FRRS1L: variants seen among roughly 807,000 people sequenced by gnomAD.
The protein encoded by FRRS1L is DOMON domain-containing protein FRRS1L.
In FRRS1L, 22 loss-of-function variants were observed where a neutral mutation model predicts 28.6. The ratio of observed to expected loss-of-function variants is 0.77; its 90% CI spans 0.55 to 1.10. FRRS1L has a LOEUF of 1.10. Among genes scored for constraint, FRRS1L ranks in the 50% least tolerant of loss-of-function variants. The pLI, the probability that FRRS1L is intolerant of heterozygous loss-of-function variation, is 0.00. For synonymous variants in FRRS1L, 158 were observed against 151.4 expected (o/e 1.04, Z -0.32); for missense variants, 380 against 386.9 (o/e 0.98, Z 0.15).
chr9:109,159,462 C>T (rs560079349), intron 1 of FRRS1L, among the ~76,000 whole-genome samples: 1 of 152,170 alleles, frequency 6.6e-6, no homozygotes, highest in South Asian at 2.1e-4. Flanking sequence ...GTCAGGGGTT[C>T]GAGACCAGCC....
At chr9:109,144,835 C>T (rs9775920) in intron 3 of FRRS1L, among the ~76,000 whole-genome samples, 20,770 of 151,916 alleles carry the variant, frequency 0.14, 1,608 homozygotes, top group Non-Finnish European at 0.16. Flanking sequence ...AGGCGCCCGC[C>T]ACCACACCCA....
chr9:109,140,149 C>T (rs1208467785), intron 4 of FRRS1L: 1 of 152,184 alleles, frequency 6.6e-6, no homozygotes, highest in Middle Eastern at 3.1e-3. Context: ...GACCAGGGAG[C>T]TTATTAGAAA....
chr9:109,143,230 G>T (rs189936872), intron 3 of FRRS1L, among the ~76,000 whole-genome samples: 4 of 151,902 alleles, frequency 2.6e-5, no homozygotes, highest in Non-Finnish European at 5.9e-5. Flanking sequence ...CAGGAGAGTC[G>T]CTTGAACCTG....
chr9:109,152,504 T>C (rs1210023782), intron 1 of FRRS1L, among the ~76,000 whole-genome samples: 2 of 151,762 alleles, frequency 1.3e-5, no homozygotes, highest in Non-Finnish European at 2.9e-5. Flanking sequence ...CGATTGTCTC[T>C]TTAAGAACAA....
intron 1 of FRRS1L, among the ~76,000 whole-genome samples, chr9:109,160,339 T>C (rs1278704730): frequency 6.6e-6 from 1 of 152,176 alleles, no homozygotes; most frequent in Non-Finnish European, 1.5e-5. Context: ...CTCACAATCC[T>C]GAAACCTCAG....
intron 4 of FRRS1L, chr9:109,139,533 G>A (rs1373403438): frequency 6.6e-6 from 1 of 152,184 alleles, no homozygotes; most frequent in Non-Finnish European, 1.5e-5. Context: ...ATAAGGAAAT[G>A]AAATTCAGAA....
At chr9:109,153,086 C>A (rs1831355942) in intron 1 of FRRS1L, among the ~76,000 whole-genome samples, 1 of 152,178 alleles carries the variant, frequency 6.6e-6, no homozygotes, top group African/African-American at 2.4e-5. Context: ...AAGAATTTGG[C>A]CTTTGTCCCT....
intron 1 of FRRS1L, 90 bp from the exon 2 acceptor site, chr9:109,149,810 C>A: frequency 2.3e-6 from 2 of 858,994 alleles, no homozygotes; most frequent in Non-Finnish European, 1.9e-6. Context: ...TTTTTTCTCA[C>A]ACATATCGAG....
At position 109,137,434 on chromosome 9, in the gene FRRS1L, C is replaced by G; in HGVS notation, c.*21G>C. 6.8e-7 allele frequency: 1 copy of G among 1,476,752 alleles called. No homozygotes were observed. The highest frequency in any genetic ancestry group is 9.1e-7 in the Non-Finnish European group (1 of 1,095,936). The allele number at this position is 1,476,752 out of a possible 1,614,324, so 91.5% of individuals were successfully genotyped here. The stretch of plus-strand genomic sequence containing the variant: ...CTAAAGACTTCCCAATCCATGTAAT[C>G]TGTTGGCCCTGCAGCTGTGGTTAGG... On this transcript the variant is annotated 3_prime_UTR_variant, in exon 5 of 5. Coordinates refer to ENST00000561981, the MANE Select transcript of FRRS1L (RefSeq NM_014334.4).
At chr9:109,165,805 T>C (rs950889082) in intron 1 of FRRS1L, among the ~76,000 whole-genome samples, 1 of 152,206 alleles carries the variant, frequency 6.6e-6, no homozygotes, top group Non-Finnish European at 1.5e-5. Flanking sequence ...TCCTGCTTCA[T>C]TTTTCCCACT....
At position 109,146,145 on chromosome 9, in the gene FRRS1L, C is replaced by A. The variant is rs573080773; in HGVS notation, c.462+906G>T. ...CTGGGAGGTGCAGGCTGCAATGAGC[C>A]AAGGTCACACCATTGCACTCCAGCC... On this transcript the variant is annotated intron_variant, in intron 3 of 4. Coordinates refer to ENST00000561981, the MANE Select transcript of FRRS1L (RefSeq NM_014334.4). Among the ~76,000 whole-genome samples the A allele has an allele frequency of 9.7e-4, 147 of 152,178 alleles. 8 individuals are homozygous for A. Among genetic ancestry groups the A allele is most frequent in the Non-Finnish European group, 3.5e-4 (24 of 67,992 alleles).
rs1448399449 is a variant in FRRS1L, at chr9:109,153,274, T to A, written c.239-3554A>T. Among the ~76,000 whole-genome samples, 5 of 152,330 alleles carry A rather than the reference T, an allele frequency of 3.3e-5. No homozygotes were observed. The South Asian group carries it at 8.3e-4, about 25-fold the overall frequency. The stretch of plus-strand genomic sequence containing the variant: ...GAAGGTTGGGGCTTTGTGCTAGACC[T>A]ACCTATAGGGAGGGTTGTGGGGCTG... On this transcript the variant is annotated intron_variant, in intron 1 of 4. Transcript: ENST00000561981.
Position 109,134,723 on chromosome 9 carries a change from G to T in FRRS1L, c.*2732C>A, listed in dbSNP as rs1831093255. On this transcript the variant is annotated 3_prime_UTR_variant, in exon 5 of 5. Transcript: ENST00000561981. ...TTAGAAATGTAAGCGGAAGGAAGCT[G>T]CATTCACTTCTTCCTTCCCTGCCTG... 6.6e-6 allele frequency: 1 copy of T among 152,194 alleles called. No homozygotes were observed. Among genetic ancestry groups the T allele is most frequent in the African/African-American group, 2.4e-5 (1 of 41,440 alleles). The allele number at this position is 152,194 out of a possible 1,614,324, so 9.4% of individuals were successfully genotyped here.
At chr9:109,154,483 T>C (rs1282713951) in intron 1 of FRRS1L, among the ~76,000 whole-genome samples, 1 of 152,204 alleles carries the variant, frequency 6.6e-6, no homozygotes, top group Non-Finnish European at 1.5e-5. Context: ...TTAGTACTTA[T>C]CCGAAGGCTA....
At chr9:109,149,502 A>T (rs1469665934) in intron 2 of FRRS1L, 134 bp downstream of exon 2, 2 of 608,480 alleles carry the variant, frequency 3.3e-6, no homozygotes, top group Non-Finnish European at 5.8e-6. Context: ...GCCGTTACGA[A>T]ACTTCATAAC....
rs1831093850 is a variant in FRRS1L, at chr9:109,134,806, C to T, written c.*2649G>A. The T allele has an allele frequency of 1.3e-5, 2 of 152,118 alleles. No individual in the cohort carries two copies. Among genetic ancestry groups the T allele is most frequent in the Non-Finnish European group, 2.9e-5 (2 of 68,042 alleles). The allele number at this position is 152,118 out of a possible 1,614,324, so 9.4% of individuals were successfully genotyped here. ...CTGTTTGTAGCTCAAATATTATACA[C>T]ATAAGAGAGAGAAATATAAAAATAT... On this transcript the variant is annotated 3_prime_UTR_variant, in exon 5 of 5. Transcript: ENST00000561981.
Position 109,135,642 on chromosome 9 carries a change from G to A in FRRS1L, c.*1813C>T, listed in dbSNP as rs1466760705. On this transcript the variant is annotated 3_prime_UTR_variant, in exon 5 of 5. Transcript: ENST00000561981. ...ATTTTTGTATTTTTAGTGGAGACAA[G>A]GTTTTGCCATGTTGGCCAGACTGGT... 3 of 152,034 alleles carry A rather than the reference G, an allele frequency of 2.0e-5. No individual in the cohort carries two copies. The highest frequency in any genetic ancestry group is 4.4e-5 in the Non-Finnish European group (3 of 68,070). The allele number at this position is 152,034 out of a possible 1,614,324, so 9.4% of individuals were successfully genotyped here.
At position 109,137,033 on chromosome 9, in the gene FRRS1L, A is replaced by G. The variant is rs1831121269; in HGVS notation, c.*422T>C. On this transcript the variant is annotated 3_prime_UTR_variant, in exon 5 of 5. Transcript: ENST00000561981. ...CTGTGCTATAGCACTCATAGTAAAGACTGTTTTGAGACATGATTTCTATAC... is the reference window on the plus strand; with the variant it reads ...CTGTGCTATAGCACTCATAGTAAAGGCTGTTTTGAGACATGATTTCTATAC... The G allele has an allele frequency of 6.5e-6, 1 of 152,854 alleles. No individual in the cohort carries two copies. The highest frequency in any genetic ancestry group is 2.4e-5 in the African/African-American group (1 of 41,438). 9.5% of individuals were successfully genotyped at this position (152,854 alleles called of 1,614,324 possible). A position where few individuals can be genotyped will look rare whatever the true frequency, so the allele number is the denominator to read the frequency against.
rs1044855139 is a variant in FRRS1L, at chr9:109,130,724, C to G, written c.*6731G>C. 6.6e-6 allele frequency: 1 copy of G among 152,154 alleles called. No homozygotes were observed. The highest frequency in any genetic ancestry group is 1.5e-5 in the Non-Finnish European group (1 of 68,032). 9.4% of individuals were successfully genotyped at this position (152,154 alleles called of 1,614,324 possible). A position where few individuals can be genotyped will look rare whatever the true frequency, so the allele number is the denominator to read the frequency against. On this transcript the variant is annotated 3_prime_UTR_variant, in exon 5 of 5. Coordinates refer to ENST00000561981, the MANE Select transcript of FRRS1L (RefSeq NM_014334.4). Reference sequence around the variant, plus strand: ...TTAATACTCCTGGAGCCAGATTGTTCCAGCATATCAGCATGTCTGTGGAAA... The same window carrying G: ...TTAATACTCCTGGAGCCAGATTGTTGCAGCATATCAGCATGTCTGTGGAAA...
Sources: gnomAD v4.1 joint callset for allele counts (sites outside exome capture counted in the v4.1 genomes callset) on GRCh38, gnomAD v4.1.1 for gene constraint, MANE v1.5 for transcripts, NCBI Gene and HGNC (gene_info 2026-07-23, HGNC 2026-07-21) for gene names.